COL11A2: variants seen among roughly 807,000 people sequenced by gnomAD.
The protein encoded by COL11A2 is collagen alpha-2(XI) chain.
Under a neutral mutation model 273.4 loss-of-function variants are expected in COL11A2, and 116 were observed. The observed-to-expected ratio is 0.42, with a 90% CI of 0.36 to 0.49. The LOEUF (loss-of-function observed/expected upper bound fraction) is 0.49, where lower values mean the gene tolerates loss of function less well. Among genes scored for constraint, COL11A2 ranks in the 20% least tolerant of loss-of-function variants. COL11A2 has a pLI of 0.00. For synonymous variants in COL11A2, 782 were observed against 864.2 expected, an observed-to-expected ratio of 0.90 and a Z score of 1.67; for missense variants, 1,866 against 2,309.0, an observed-to-expected ratio of 0.81 and a Z score of 3.93.
chr6:33,168,693 A>C lies in COL11A2; in HGVS notation c.3906+13T>G, dbSNP rs761293966. On this transcript the variant is annotated intron_variant, in intron 53 of 65. Coordinates refer to ENST00000341947, the MANE Select transcript of COL11A2 (RefSeq NM_080680.3). ...TTGGGCTCAGGGGGGTGGTGGGGTC[A>C]CCAGGCACTCACAGGCTGTCCTGGC... 46 of 1,589,928 alleles carry C rather than the reference A, an allele frequency of 2.9e-5. No individual in the cohort carries two copies. The highest frequency in any genetic ancestry group is 1.7e-4 in the Middle Eastern group (1 of 6,032).
In COL11A2 at chr6:33,164,775, C is replaced by G; in HGVS notation, c.4863+77G>C. On this transcript the variant is annotated intron_variant, in intron 64 of 65. Coordinates refer to ENST00000341947, the MANE Select transcript of COL11A2 (RefSeq NM_080680.3). This position sits in a 1 kb window ranked among gnomAD's most constrained non-coding sequence, Gnocchi z 4.7. ...GGGGGCAACAGCCAGGGGACTGTCA[C>G]CAAAACCCAGAAACCACTAAGCCCT... The G allele has an allele frequency of 7.4e-7, 1 of 1,353,486 alleles. No homozygotes were observed. The highest frequency in any genetic ancestry group is 1.0e-6 in the Non-Finnish European group (1 of 973,324). 83.8% of individuals were successfully genotyped at this position (1,353,486 alleles called of 1,614,324 possible).
Position 33,177,869 on chromosome 6 carries a change from C to A in COL11A2, c.1873-163G>T. On this transcript the variant is annotated intron_variant, in intron 21 of 65. Transcript: ENST00000341947. The surrounding 1 kb of genome is among the most constrained non-coding windows in gnomAD (Gnocchi z 5.9). ...GCCTGCAGTGTGTGGGACTGTGGAT[C>A]TGTGGGCTTGTGGGCTTTGGTTTTG... 1.2e-6 allele frequency: 1 copy of A among 844,846 alleles called. No individual in the cohort carries two copies. 52.3% of individuals were successfully genotyped at this position (844,846 alleles called of 1,614,324 possible).
Position 33,167,838 on chromosome 6 carries a change from C to A in COL11A2, c.3975G>T (p.Ser1325=). The A allele has an allele frequency of 6.2e-7, 1 of 1,612,298 alleles. No homozygotes were observed. The highest frequency in any genetic ancestry group is 8.5e-7 in the Non-Finnish European group (1 of 1,179,878). ...CTCCTTGTCGCCCCTCGGAACCAGG[C>A]GAGCCAGCAGGACCCTGCAGGTGGA... The part of the protein sequence containing the change: ...GPLGKRGPAG[S]PGSEGRQGGK... Residue 1325 remains serine (S), a synonymous_variant, in exon 55 of 66, where the codon TCG becomes TCT. Coordinates refer to ENST00000341947, the MANE Select transcript of COL11A2 (RefSeq NM_080680.3). This position sits in a 1 kb window ranked among gnomAD's most constrained non-coding sequence, Gnocchi z 6.1.
chr6:33,168,873 C>T, intron 52 of COL11A2, 82 bp downstream of exon 52: 3 of 1,596,662 alleles, frequency 1.9e-6, no homozygotes, highest in Admixed American at 1.7e-5. Flanking sequence ...CTTCCCAATA[C>T]CCAAGCCCAG....
chr6:33,176,145 G>A lies in COL11A2; in HGVS notation c.2215-76C>T. ...TCTAATGGGAATTCTGAGAACATAGGTGGAAGCAGGGGCTCGGGAGCTGGA... is the reference window on the plus strand; with the variant it reads ...TCTAATGGGAATTCTGAGAACATAGATGGAAGCAGGGGCTCGGGAGCTGGA... On this transcript the variant is annotated intron_variant, in intron 28 of 65. Coordinates refer to ENST00000341947, the MANE Select transcript of COL11A2 (RefSeq NM_080680.3). This position sits in a 1 kb window ranked among gnomAD's most constrained non-coding sequence, Gnocchi z 4.9. 6.2e-7 allele frequency: 1 copy of A among 1,608,056 alleles called. No individual in the cohort carries two copies. Among genetic ancestry groups the A allele is most frequent in the Non-Finnish European group, 8.5e-7 (1 of 1,175,428 alleles).
At chr6:33,182,754 C>T (rs2150595363) in intron 8 of COL11A2, among the ~76,000 whole-genome samples, 1 of 152,116 alleles carries the variant, frequency 6.6e-6, no homozygotes, top group South Asian at 2.1e-4. Flanking sequence ...GAATGCATTG[C>T]CCTTCCTCTG....
Position 33,192,448 on chromosome 6 carries a change from G to C in COL11A2, c.-208C>G. 1 of 598,946 alleles carries C rather than the reference G, an allele frequency of 1.7e-6. No homozygotes were observed. The allele number at this position is 598,946 out of a possible 1,614,324, so 37.1% of individuals were successfully genotyped here. ...GGGCTCCCGGCACTGCTCCCTCCTC[G>C]GTGGCTGCCGCTTCTGTGTGTCCCC... On this transcript the variant is annotated 5_prime_UTR_variant, in exon 1 of 66. Coordinates refer to ENST00000341947, the MANE Select transcript of COL11A2 (RefSeq NM_080680.3).
intron 4 of COL11A2, 60 bp from the exon 5 acceptor site, chr6:33,186,878 C>T (rs1352587292): frequency 1.8e-5 from 29 of 1,608,720 alleles, no homozygotes; most frequent in Non-Finnish European, 2.2e-5. Flanking sequence ...GGGTATCATC[C>T]GGGAGAAAGA....
rs1772866924 is a variant in COL11A2 at position 33,189,578 on chromosome 6, G to A, written c.83-109C>T. ...TTTCCAGGGCTCAAACTCCCTGCAA[G>A]GGAAAGGTCACCTCACCCTCACTTG... On this transcript the variant is annotated intron_variant, in intron 1 of 65. Coordinates refer to ENST00000341947, the MANE Select transcript of COL11A2 (RefSeq NM_080680.3). This position sits in a 1 kb window ranked among gnomAD's most constrained non-coding sequence, Gnocchi z 5.6. 7.0e-7 allele frequency: 1 copy of A among 1,420,866 alleles called. No individual in the cohort carries two copies. Among genetic ancestry groups the A allele is most frequent in the Non-Finnish European group, 9.7e-7 (1 of 1,032,004 alleles). The allele number at this position is 1,420,866 out of a possible 1,614,324, so 88.0% of individuals were successfully genotyped here.
rs1562349236 is a variant in COL11A2, at chr6:33,176,292, T to A, written c.2181A>T (p.Gly727=). ...CCTTATGACCCTTCAGACCCCGAATTCCGTCCACACCCTAGAATTAGAGAG... is the reference window on the plus strand; with the variant it reads ...CCTTATGACCCTTCAGACCCCGAATACCGTCCACACCCTAGAATTAGAGAG... ...PGPRGVKGVD[G]IRGLKGHKGE... Residue 727 remains glycine (G), a synonymous_variant, in exon 28 of 66, where the codon GGA becomes GGT. Transcript: ENST00000341947. The surrounding 1 kb of genome is among the most constrained non-coding windows in gnomAD (Gnocchi z 4.9). The A allele has an allele frequency of 6.2e-7, 1 of 1,607,230 alleles. No homozygotes were observed. The highest frequency in any genetic ancestry group is 2.2e-5 in the East Asian group (1 of 44,784).
Position 33,163,714 on chromosome 6 carries a change from T to A in COL11A2, c.5175A>T (p.Gly1725=), listed in dbSNP as rs769428843. The part of the protein sequence containing the change: ...FSDLGAPPRR[G]GVLLGPVCFM... ...AGCAGACAGGCCCCAGCAGCACCCC[T>A]CCCCGCCTCGGTGGGGCTCCCAGGT... The change falls in exon 66 of 66, where the codon GGA becomes GGT. Residue 1725 remains glycine (G), a synonymous_variant. Transcript: ENST00000341947. The surrounding 1 kb of genome is among the most constrained non-coding windows in gnomAD (Gnocchi z 4.1). 3.7e-6 allele frequency: 6 copies of A among 1,612,706 alleles called. No individual in the cohort carries two copies. The Admixed American group carries it at 5.0e-5, about 13-fold the overall frequency.
chr6:33,178,915 G>C lies in COL11A2; in HGVS notation c.1665+5C>G, dbSNP rs1303264637. ...AGGCTTCAGGGAGGGGCCCAAGCCT[G>C]TTACCTTCACTCCAGGATCTCCAGG... On this transcript the variant is annotated splice_donor_5th_base_variant and intron_variant, in intron 17 of 65. Transcript: ENST00000341947. This position sits in a 1 kb window ranked among gnomAD's most constrained non-coding sequence, Gnocchi z 4.6. 2 of 1,613,916 alleles carry C rather than the reference G, an allele frequency of 1.2e-6. No individual in the cohort carries two copies. Among genetic ancestry groups the C allele is most frequent in the East Asian group, 4.5e-5 (2 of 44,854 alleles).
Position 33,173,060 on chromosome 6 carries a change from C to T in COL11A2, c.2790G>A (p.Gln930=). Residue 930 remains glutamine, a splice_region_variant and synonymous_variant, in exon 38 of 66, where the codon CAG becomes CAA. Transcript: ENST00000341947. This position sits in a 1 kb window ranked among gnomAD's most constrained non-coding sequence, Gnocchi z 6.3. ...CATTCTCTCCTAGGGACAAACCTACCTGAGGTCCCACCACTCCTGGAGGAC... is the reference window on the plus strand; with the variant it reads ...CATTCTCTCCTAGGGACAAACCTACTTGAGGTCCCACCACTCCTGGAGGAC... The part of the protein sequence containing the change: ...PPGPPGVVGP[Q]GAAGETGPMG... 1 of 1,612,646 alleles carries T rather than the reference C, an allele frequency of 6.2e-7. No homozygotes were observed. Among genetic ancestry groups the T allele is most frequent in the East Asian group, 2.2e-5 (1 of 44,862 alleles).
intron 38 of COL11A2, 104 bp downstream of exon 38, chr6:33,172,956 G>T: frequency 7.9e-7 from 1 of 1,259,300 alleles, no homozygotes; most frequent in Non-Finnish European, 1.1e-6. Context: ...AGCCCCAGGA[G>T]TCTGGGTCAG....
At position 33,165,819 on chromosome 6, in the gene COL11A2, G is replaced by A. The variant is rs891320028; in HGVS notation, c.4483-3C>T. The A allele has an allele frequency of 1.9e-6, 3 of 1,613,634 alleles. No homozygotes were observed. Among genetic ancestry groups the A allele is most frequent in the Non-Finnish European group, 2.5e-6 (3 of 1,180,006 alleles). On this transcript the variant is annotated splice_polypyrimidine_tract_variant and splice_region_variant and intron_variant, in intron 62 of 65. Coordinates refer to ENST00000341947, the MANE Select transcript of COL11A2 (RefSeq NM_080680.3). The surrounding 1 kb of genome is among the most constrained non-coding windows in gnomAD (Gnocchi z 7.7). ...TGGATCACCTCGCCTGGGGGACCCT[G>A]GGTGCAGGGACAGATGGAGAGGGCA...
chr6:33,169,568 T>C lies in COL11A2; in HGVS notation c.3691-78A>G. On this transcript the variant is annotated intron_variant, in intron 50 of 65. Transcript: ENST00000341947. The surrounding 1 kb of genome is among the most constrained non-coding windows in gnomAD (Gnocchi z 5.5). ...ATGCAGCCTCTGCTTCCGAGACACC[T>C]TCAGCCATCCCCTACTCCCCTCAGT... The C allele has an allele frequency of 7.1e-7, 1 of 1,404,246 alleles. No individual in the cohort carries two copies. Among genetic ancestry groups the C allele is most frequent in the Non-Finnish European group, 1.0e-6 (1 of 998,956 alleles). The allele number at this position is 1,404,246 out of a possible 1,614,324, so 87.0% of individuals were successfully genotyped here. A position where few individuals can be genotyped will look rare whatever the true frequency, so the allele number is the denominator to read the frequency against.
At position 33,180,263 on chromosome 6, in the gene COL11A2, G is replaced by A; in HGVS notation, c.1354C>T (p.Leu452Phe). The change falls in exon 12 of 66, where the codon CTC becomes TTC. Residue 452 changes from leucine to phenylalanine, a missense_variant. Coordinates refer to ENST00000341947, the MANE Select transcript of COL11A2 (RefSeq NM_080680.3). ...AAACCCAAGAGACAACTCACTGGGAGCATGAGAGATGTGCCAGGAGGACCA... is the reference window on the plus strand; with the variant it reads ...AAACCCAAGAGACAACTCACTGGGAACATGAGAGATGTGCCAGGAGGACCA... ...APGPPGTSLM[L>F]PFRFGSGGGD... The A allele has an allele frequency of 1.2e-6, 2 of 1,612,938 alleles. No homozygotes were observed. Among genetic ancestry groups the A allele is most frequent in the Non-Finnish European group, 1.7e-6 (2 of 1,179,956 alleles).
Position 33,179,058 on chromosome 6 carries a change from C to T in COL11A2, c.1611+15G>A. On this transcript the variant is annotated intron_variant, in intron 16 of 65. Transcript: ENST00000341947. This position sits in a 1 kb window ranked among gnomAD's most constrained non-coding sequence, Gnocchi z 6.4. ...CTGTCTCCCCACAACACCCATCCAC[C>T]CCTGGGGCACTCACCCTTCGCCCAG... The T allele has an allele frequency of 6.2e-7, 1 of 1,614,004 alleles. No homozygotes were observed. Among genetic ancestry groups the T allele is most frequent in the Non-Finnish European group, 8.5e-7 (1 of 1,179,894 alleles).
intron 30 of COL11A2, 46 bp from the exon 31 acceptor site, chr6:33,174,626 G>T: frequency 6.3e-7 from 1 of 1,586,022 alleles, no homozygotes; most frequent in Non-Finnish European, 8.6e-7. Flanking sequence ...AGGCCCAGAT[G>T]CCACTCCACC....
Sources: allele counts gnomAD v4.1 joint callset (sites outside exome capture counted in the v4.1 genomes callset), GRCh38; gene constraint gnomAD v4.1.1; non-coding constraint Gnocchi (gnomAD v3.1); transcripts MANE v1.5; gene names NCBI Gene and HGNC (gene_info 2026-07-23, HGNC 2026-07-21).